Variants in SLIT3 observed in about 807,000 individuals in gnomAD.
SLIT3 encodes the protein slit guidance ligand 3, also known as slit homolog 3 protein.
In SLIT3, 68 loss-of-function variants were observed where a neutral mutation model predicts 184.0. The observed-to-expected ratio is 0.37, with a 90% confidence interval of 0.30 to 0.45. The LOEUF (loss-of-function observed/expected upper bound fraction) is 0.45, where lower values mean the gene tolerates loss of function less well. SLIT3 is among the 20% of genes least tolerant of loss of function. The probability of loss-of-function intolerance (pLI) is 1.00; values close to 1 mark genes in which losing one functional copy is unlikely to be tolerated. For synonymous variants in SLIT3, 831 were observed against 828.6 expected (o/e 1.00, Z -0.05); for missense variants, 1,707 against 2,026.0 (o/e 0.84, Z 3.02).
At chr5:169,218,120 T>C (rs1416796500) in intron 3 of SLIT3, among the ~76,000 whole-genome samples, 1 of 152,222 alleles carries the variant, frequency 6.6e-6, no homozygotes, top group Non-Finnish European at 1.5e-5. Flanking sequence ...GATATTTTCA[T>C]AGGCCATGCT....
chr5:168,838,471 C>T (rs1237740691), intron 6 of SLIT3, among the ~76,000 whole-genome samples: 2 of 152,178 alleles, frequency 1.3e-5, no homozygotes, highest in African/African-American at 4.8e-5. Flanking sequence ...TATAATCATA[C>T]TAATAATTAT....
At chr5:168,931,365 C>T (rs1761981667) in intron 4 of SLIT3, among the ~76,000 whole-genome samples, 1 of 152,208 alleles carries the variant, frequency 6.6e-6, no homozygotes, top group Admixed American at 6.5e-5. Context: ...ACTGACTGAT[C>T]TTTCTATCCA....
chr5:169,253,851 A>C (rs1156999553), intron 1 of SLIT3, among the ~76,000 whole-genome samples: 1 of 152,192 alleles, frequency 6.6e-6, no homozygotes, highest in African/African-American at 2.4e-5. Flanking sequence ...TGTGGCTGAC[A>C]AATAGAATAA....
chr5:168,888,909 G>T (rs936098181), intron 4 of SLIT3, among the ~76,000 whole-genome samples: 4 of 152,146 alleles, frequency 2.6e-5, no homozygotes, highest in African/African-American at 7.2e-5. Flanking sequence ...GGTGCATTCA[G>T]TATCAATCAA....
At chr5:169,197,777 C>T (rs980977839) in intron 3 of SLIT3, among the ~76,000 whole-genome samples, 8 of 152,032 alleles carry the variant, frequency 5.3e-5, no homozygotes, top group Admixed American at 2.0e-4. Context: ...CAAAACTCCT[C>T]AGCTTTCCTG....
At chr5:168,776,694 A>C (rs373170488) in intron 12 of SLIT3, among the ~76,000 whole-genome samples, 5 of 152,254 alleles carry the variant, frequency 3.3e-5, no homozygotes, top group African/African-American at 9.6e-5. Context: ...TTGTGTATTA[A>C]ATTTTAGTCA....
chr5:168,698,547 G>A (rs1290492766), intron 27 of SLIT3, among the ~76,000 whole-genome samples: 1 of 152,178 alleles, frequency 6.6e-6, no homozygotes, highest in Non-Finnish European at 1.5e-5. Context: ...TGGCCCTGCT[G>A]ACACCTTGAT....
intron 4 of SLIT3, among the ~76,000 whole-genome samples, chr5:169,138,274 G>A (rs1464051707): frequency 6.6e-6 from 1 of 152,214 alleles, no homozygotes; most frequent in Non-Finnish European, 1.5e-5. Context: ...CCTGGGCGAT[G>A]TGACCTACAG....
intron 5 of SLIT3, among the ~76,000 whole-genome samples, chr5:168,857,622 G>C (rs7706207): frequency 0.068 from 10,375 of 152,166 alleles, 810 homozygotes; most frequent in African/African-American, 0.19. Context: ...CTCACATGAA[G>C]TTTTTCTCAT....
At chr5:169,132,537 C>A (rs1664859363) in intron 4 of SLIT3, among the ~76,000 whole-genome samples, 1 of 152,248 alleles carries the variant, frequency 6.6e-6, no homozygotes, top group Non-Finnish European at 1.5e-5. Flanking sequence ...CTGACTTATG[C>A]AAATTCCTGG....
intron 5 of SLIT3, among the ~76,000 whole-genome samples, chr5:168,849,399 C>T (rs1561966737): frequency 6.6e-6 from 1 of 152,210 alleles, no homozygotes. Context: ...AGCTAAGGCT[C>T]AGCACCCTTT....
chr5:168,704,594 A>G (rs1762322774), intron 26 of SLIT3, among the ~76,000 whole-genome samples: 1 of 152,240 alleles, frequency 6.6e-6, no homozygotes, highest in Non-Finnish European at 1.5e-5. Context: ...CTATTAAAAG[A>G]CGATAATAAA....
At chr5:168,954,437 A>T (rs1395623422) in intron 4 of SLIT3, among the ~76,000 whole-genome samples, 1 of 151,828 alleles carries the variant, frequency 6.6e-6, no homozygotes, top group Non-Finnish European at 1.5e-5. Flanking sequence ...AAACACTAGG[A>T]CTCTCCGAGA....
intron 15 of SLIT3, among the ~76,000 whole-genome samples, chr5:168,761,746 T>A (rs1561917694): frequency 6.6e-6 from 1 of 151,696 alleles, no homozygotes. Context: ...TAAAAAAAAT[T>A]TTTTTTTCCA....
intron 4 of SLIT3, among the ~76,000 whole-genome samples, chr5:169,061,731 C>T (rs1347794126): frequency 6.6e-6 from 1 of 152,164 alleles, no homozygotes; most frequent in Admixed American, 6.5e-5. Flanking sequence ...ACGATGAAGC[C>T]AGCATCGCTG....
chr5:168,838,129 A>G (rs1006330556), intron 6 of SLIT3, among the ~76,000 whole-genome samples: 1 of 152,164 alleles, frequency 6.6e-6, no homozygotes, highest in Non-Finnish European at 1.5e-5. Flanking sequence ...AATTGTTTCT[A>G]TGTATGTGTG....
chr5:168,906,743 A>G (rs13177043), intron 4 of SLIT3, among the ~76,000 whole-genome samples: 61,523 of 151,888 alleles, frequency 0.41, 13,917 homozygotes, highest in East Asian at 0.63. Context: ...TTTTAATAAT[A>G]AAGTGTTTAT....
chr5:168,916,573 A>G (rs558932042), intron 4 of SLIT3, among the ~76,000 whole-genome samples: 26 of 152,362 alleles, frequency 1.7e-4, no homozygotes, highest in African/African-American at 6.3e-4. Flanking sequence ...AGTCATAAAC[A>G]TCAGCCCTAA....
At chr5:168,961,114 C>T (rs549358103) in intron 4 of SLIT3, among the ~76,000 whole-genome samples, 7 of 152,188 alleles carry the variant, frequency 4.6e-5, no homozygotes, top group Non-Finnish European at 8.8e-5. Context: ...ATGGCCATTC[C>T]TTACCTCCCC....
Sources: gnomAD v4.1 joint callset for allele counts (sites outside exome capture counted in the v4.1 genomes callset) on GRCh38, gnomAD v4.1.1 for gene constraint, MANE v1.5 for transcripts, NCBI Gene and HGNC (gene_info 2026-07-23, HGNC 2026-07-21) for gene names.